Variants in EP300 observed in about 807,000 individuals in gnomAD.
The protein encoded by EP300 is EP300 lysine acetyltransferase, also known as histone acetyltransferase p300.
Under a neutral mutation model 264.0 loss-of-function variants are expected in EP300, and 31 were observed. The ratio of observed to expected loss-of-function variants is 0.12; its 90% CI spans 0.09 to 0.16. The LOEUF (loss-of-function observed/expected upper bound fraction) is 0.16, where lower values mean the gene tolerates loss of function less well. Ranked by LOEUF, EP300 falls within the 10% of genes least tolerant of loss-of-function variation. The pLI is 1.00. For synonymous variants in EP300, 1,340 were observed against 1,045.4 expected (o/e 1.28, Z -5.44); for missense variants, 2,766 against 3,052.9 (o/e 0.91, Z 2.21).
chr22:41,117,534 A>T lies in EP300; in HGVS notation c.442A>T (p.Thr148Ser), dbSNP rs764079704. The T allele has an allele frequency of 1.1e-5, 18 of 1,614,136 alleles. No homozygotes were observed. The highest frequency in any genetic ancestry group is 1.5e-5 in the Non-Finnish European group (18 of 1,180,036). Residue 148 changes from threonine (T) to serine (S), a missense_variant, in exon 2 of 31, where the codon ACG becomes TCG. By Grantham distance (58) the Thr-to-Ser change is moderately conservative. Coordinates refer to ENST00000263253, the MANE Select transcript of EP300 (RefSeq NM_001429.4). ...MGTSGPNQGP[T>S]QSTGMMNSPV... ...CACTAGTGGACCAAATCAGGGTCCTACGCAGTCAACAGGTATGATGAACAG... is the reference window on the plus strand; with the variant it reads ...CACTAGTGGACCAAATCAGGGTCCTTCGCAGTCAACAGGTATGATGAACAG...
intron 1 of EP300, among the ~76,000 whole-genome samples, chr22:41,111,155 C>T (rs1281993982): frequency 1.3e-5 from 2 of 151,686 alleles, no homozygotes; most frequent in Admixed American, 1.3e-4. Context: ...TAGTGGAGAC[C>T]GGGTTTCACC....
intron 19 of EP300, chr22:41,160,369 GT>G (rs1243915749): frequency 4.2e-5 from 16 of 384,450 alleles, no homozygotes; most frequent in South Asian, 5.3e-5. Flanking sequence ...TTTGTTTTGT[GT>G]TTTTTTTTCT....
chr22:41,096,280 CT>C (rs1414434140), intron 1 of EP300, among the ~76,000 whole-genome samples: 3 of 152,094 alleles, frequency 2.0e-5, no homozygotes, highest in Non-Finnish European at 4.4e-5. Context: ...TTCTGATCAT[CT>C]TGAGTGATGG....
intron 1 of EP300, among the ~76,000 whole-genome samples, chr22:41,093,399 C>T (rs1201410329): frequency 6.6e-6 from 1 of 152,170 alleles, no homozygotes; most frequent in Admixed American, 6.6e-5. Context: ...TTGGGAAATG[C>T]CAATGCATTT....
At chr22:41,155,495 G>C (rs1235426204) in intron 17 of EP300, among the ~76,000 whole-genome samples, 2 of 152,080 alleles carry the variant, frequency 1.3e-5, no homozygotes, top group African/African-American at 4.8e-5. Flanking sequence ...CAGCCTCCCA[G>C]AGTGCTGGAA....
intron 6 of EP300, among the ~76,000 whole-genome samples, chr22:41,133,773 C>T (rs551316102): frequency 2.6e-5 from 4 of 152,044 alleles, no homozygotes; most frequent in Admixed American, 2.6e-4. Flanking sequence ...TTTTTCTTTA[C>T]TATATAATAA....
intron 17 of EP300, among the ~76,000 whole-genome samples, chr22:41,155,454 G>T (rs973471964): frequency 2.0e-5 from 3 of 152,042 alleles, no homozygotes; most frequent in African/African-American, 7.2e-5. Context: ...GGCTGGTCTT[G>T]AACGCCTGGA....
rs761905779 is a variant in EP300, at chr22:41,140,143, C to G, written c.1764C>G (p.Val588=). ...TGGTAGGATTTTCTTTTTCCAGCGT[C>G]CAAGCCATATTTCCTACGCCGGATC... ...DLRNHLVHKL[V]QAIFPTPDPA... is the part of the protein sequence containing the mutation. The change falls in exon 9 of 31, where the codon GTC becomes GTG. Residue 588 remains valine, a synonymous_variant. Coordinates refer to ENST00000263253, the MANE Select transcript of EP300 (RefSeq NM_001429.4). The G allele has an allele frequency of 6.2e-7, 1 of 1,612,344 alleles. No individual in the cohort carries two copies. The highest frequency in any genetic ancestry group is 8.5e-7 in the Non-Finnish European group (1 of 1,178,412).
intron 1 of EP300, among the ~76,000 whole-genome samples, chr22:41,105,772 G>A (rs1044640206): frequency 6.6e-6 from 1 of 152,154 alleles, no homozygotes; most frequent in African/African-American, 2.4e-5. Flanking sequence ...TGTCATGATA[G>A]CAGGACCATG....
At chr22:41,143,552 A>T (rs1468922127) in intron 10 of EP300, among the ~76,000 whole-genome samples, 2 of 152,142 alleles carry the variant, frequency 1.3e-5, no homozygotes, top group Non-Finnish European at 2.9e-5. Context: ...ATGTTTCTTT[A>T]ACATTTGTTT....
intron 8 of EP300, among the ~76,000 whole-genome samples, chr22:41,139,284 C>T (rs2058968967): frequency 2.0e-5 from 3 of 152,128 alleles, no homozygotes; most frequent in Admixed American, 6.6e-5. Context: ...CACTAAGTAA[C>T]GGAATTTGAC....
At chr22:41,115,733 G>T (rs114617091) in intron 1 of EP300, among the ~76,000 whole-genome samples, 2,698 of 152,258 alleles carry the variant, frequency 0.018, 72 homozygotes, top group African/African-American at 0.062. Context: ...TTTTGGTAGG[G>T]GTGGTTTGTA....
intron 25 of EP300, 148 bp downstream of exon 25, chr22:41,169,015 A>T: frequency 8.6e-7 from 1 of 1,157,392 alleles, no homozygotes; most frequent in East Asian, 2.4e-5. Flanking sequence ...AAAGTGAAAC[A>T]GATTAAAAAG....
Position 41,117,700 on chromosome 22 carries a change from A to C in EP300, c.608A>C (p.Gln203Pro), listed in dbSNP as rs1409497107. Residue 203 changes from glutamine to proline, a missense_variant, in exon 2 of 31, where the codon CAG becomes CCG. By Grantham distance (76) the Gln-to-Pro change is moderately conservative. Coordinates refer to ENST00000263253, the MANE Select transcript of EP300 (RefSeq NM_001429.4). ...TCAATTGGAGCAGGCCGAGGGCGAC[A>C]GAATATGCAGTACCCAAACCCAGGC... ...NGSIGAGRGR[Q>P]NMQYPNPGMG... The C allele has an allele frequency of 6.2e-7, 1 of 1,614,140 alleles. No individual in the cohort carries two copies. The highest frequency in any genetic ancestry group is 8.5e-7 in the Non-Finnish European group (1 of 1,180,056).
At chr22:41,135,207 C>T (rs1035091995) in intron 6 of EP300, among the ~76,000 whole-genome samples, 1 of 152,136 alleles carries the variant, frequency 6.6e-6, no homozygotes, top group East Asian at 1.9e-4. Flanking sequence ...TTTTTTATCT[C>T]CCATTCCATG....
At position 41,176,659 on chromosome 22, in the gene EP300, A is replaced by AG. The variant is rs200218093; in HGVS notation, c.5062-113dup. ...CCTCGTGTTTGAGGGGCAGAGCTGAAGAGGCTAGTTTTTGTTCTACGAAAG... is the reference window on the plus strand; with the variant it reads ...CCTCGTGTTTGAGGGGCAGAGCTGAAGGAGGCTAGTTTTTGTTCTACGAAAG... On this transcript the variant is annotated intron_variant, in intron 30 of 30. Transcript: ENST00000263253. The AG allele has an allele frequency of 2.8e-3, 4,563 of 1,609,950 alleles. 97 individuals are homozygous for AG. The African/African-American group carries it at 0.052, about 18-fold the overall frequency.
chr22:41,120,284 C>G (rs1450204461), intron 2 of EP300, among the ~76,000 whole-genome samples: 3 of 152,110 alleles, frequency 2.0e-5, no homozygotes, highest in African/African-American at 7.2e-5. Flanking sequence ...CATTCCAGAC[C>G]AGCCCCAGCA....
chr22:41,148,014 A>T, intron 12 of EP300, 68 bp downstream of exon 12: 1 of 1,092,542 alleles, frequency 9.2e-7, no homozygotes, highest in Non-Finnish European at 1.3e-6. Context: ...GTTTGTTCCT[A>T]CTTTATAAAT....
chr22:41,144,728 CAA>C (rs2059001406), intron 10 of EP300, among the ~76,000 whole-genome samples: 1 of 152,106 alleles, frequency 6.6e-6, no homozygotes, highest in Non-Finnish European at 1.5e-5. Flanking sequence ...CTTAAAATGA[CAA>C]GAGCTGCCTC....
Sources: gnomAD v4.1 joint callset for allele counts (sites outside exome capture counted in the v4.1 genomes callset) on GRCh38, gnomAD v4.1.1 for gene constraint, MANE v1.5 for transcripts, NCBI Gene and HGNC (gene_info 2026-07-23, HGNC 2026-07-21) for gene names.